S100Z: variants seen among roughly 807,000 people sequenced by gnomAD.
The protein encoded by S100Z is S100 calcium binding protein Z.
Under a neutral mutation model 8.5 loss-of-function variants are expected in S100Z, and 11 were observed. That is an observed-to-expected ratio of 1.30 (90% CI 0.82 to 2.15). S100Z has a LOEUF of 2.15. Among genes scored for constraint, S100Z ranks in the 30% most tolerant of loss-of-function variants. The probability of loss-of-function intolerance (pLI) is 0.00; values close to 1 mark genes in which losing one functional copy is unlikely to be tolerated. For missense variants in S100Z, 126 were observed against 117.9 expected, an observed-to-expected ratio of 1.07 and a Z score of -0.32; for synonymous variants, 34 against 43.8, an observed-to-expected ratio of 0.78 and a Z score of 0.89.
chr5:76,925,088 A>G (rs550251987), downstream of S100Z, among the ~76,000 whole-genome samples: 6 of 152,208 alleles, frequency 3.9e-5, no homozygotes, highest in South Asian at 1.2e-3. Flanking sequence ...AGAATGCTTC[A>G]GTTTCTTGCC....
At chr5:76,880,454 G>A (rs1326207382) in intron 4 of S100Z, among the ~76,000 whole-genome samples, 1 of 152,178 alleles carries the variant, frequency 6.6e-6, no homozygotes, top group Admixed American at 6.5e-5. Context: ...GCTGCTTCGA[G>A]CAGGATTAGG....
At chr5:76,886,956 T>C (rs1209806288) in intron 4 of S100Z, among the ~76,000 whole-genome samples, 4 of 152,168 alleles carry the variant, frequency 2.6e-5, no homozygotes, top group Non-Finnish European at 4.4e-5. Flanking sequence ...CTTCAGGCCA[T>C]CTGGATGTAT....
chr5:76,863,690 C>T (rs1048450039), intron 1 of S100Z, among the ~76,000 whole-genome samples: 9 of 151,914 alleles, frequency 5.9e-5, no homozygotes, highest in African/African-American at 1.5e-4. Context: ...AGGCACCCGC[C>T]ACCACACCCA....
At chr5:76,868,935 T>C (rs1742896986) in intron 1 of S100Z, among the ~76,000 whole-genome samples, 1 of 152,204 alleles carries the variant, frequency 6.6e-6, no homozygotes. Flanking sequence ...AAACTCTTTA[T>C]ATTCATTGAC....
chr5:76,854,906 T>C (rs1225184813), intron 1 of S100Z, among the ~76,000 whole-genome samples: 1 of 152,240 alleles, frequency 6.6e-6, no homozygotes, highest in Non-Finnish European at 1.5e-5. Context: ...TCACCTACCC[T>C]GTGTAAGCAG....
chr5:76,879,166 G>C (rs768707522), intron 4 of S100Z, among the ~76,000 whole-genome samples: 1 of 152,158 alleles, frequency 6.6e-6, no homozygotes, highest in African/African-American at 2.4e-5. Context: ...CTTCCACCTT[G>C]TTGAGTCTTT....
chr5:76,910,581 G>A (rs906296628), intron 4 of S100Z, among the ~76,000 whole-genome samples: 9 of 152,128 alleles, frequency 5.9e-5, no homozygotes, highest in African/African-American at 1.9e-4. Flanking sequence ...CTGCCCCCTC[G>A]TTCATGTCCA....
At chr5:76,883,717 C>T (rs376308336) in intron 4 of S100Z, among the ~76,000 whole-genome samples, 5 of 152,228 alleles carry the variant, frequency 3.3e-5, no homozygotes, top group East Asian at 3.9e-4. Flanking sequence ...CCAGGGGCTC[C>T]GGGAGTGGCT....
At chr5:76,951,959 C>G in the S100Z span, among the ~76,000 whole-genome samples, 2 of 152,086 alleles carry the variant, frequency 1.3e-5, no homozygotes, top group African/African-American at 4.8e-5. Context: ...GAAAATATAG[C>G]CATTCCTTCC....
chr5:76,857,544 G>C (rs1167663802), intron 1 of S100Z, among the ~76,000 whole-genome samples: 1 of 141,424 alleles, frequency 7.1e-6, no homozygotes, highest in African/African-American at 2.7e-5. Context: ...CCGCCACCCA[G>C]ACTGGGGTGC....
the S100Z span, among the ~76,000 whole-genome samples, chr5:76,946,025 G>A: frequency 0.05 from 7,671 of 152,190 alleles, 237 homozygotes; most frequent in African/African-American, 0.081. Flanking sequence ...TCCATCTGCA[G>A]GCATCTCGCT....
chr5:76,942,445 C>CAAAAAAAAAAAAAAAAA, the S100Z span, among the ~76,000 whole-genome samples: 4 of 72,816 alleles, frequency 5.5e-5, no homozygotes, highest in Admixed American at 1.5e-4. Context: ...AAAAAAAAAG[C>CAAAAAAAAAAAAAAAAA]AAAAACCTCT....
intron 1 of S100Z, among the ~76,000 whole-genome samples, chr5:76,854,975 T>C (rs1214611107): frequency 6.6e-6 from 1 of 152,226 alleles, no homozygotes; most frequent in East Asian, 1.9e-4. Flanking sequence ...GTTCCAGCCA[T>C]GGCTCAAAGT....
intron 4 of S100Z, among the ~76,000 whole-genome samples, chr5:76,914,661 C>T (rs553253025): frequency 6.6e-6 from 1 of 152,212 alleles, no homozygotes; most frequent in South Asian, 2.1e-4. Flanking sequence ...CATGGACCCA[C>T]CAGGAGGAAA....
Position 76,894,842 on chromosome 5 carries a change from G to C in S100Z, c.*2+17008G>C, listed in dbSNP as rs540877224. Among the ~76,000 whole-genome samples the C allele has an allele frequency of 4.6e-5, 7 of 152,090 alleles. No homozygotes were observed. The South Asian group carries it at 1.5e-3, about 32-fold the overall frequency. ...GACCTCAGGTGATCCACCCGCCTCGGCCTCCCAAAGTCCTGGGATTACAGG... is the reference window on the plus strand; with the variant it reads ...GACCTCAGGTGATCCACCCGCCTCGCCCTCCCAAAGTCCTGGGATTACAGG... On this transcript the variant is annotated intron_variant, in intron 4 of 4. Coordinates refer to ENST00000317593, the MANE Select transcript of S100Z (RefSeq NM_130772.4).
intron 1 of S100Z, among the ~76,000 whole-genome samples, chr5:76,854,652 AGT>A (rs1411967690): frequency 6.6e-6 from 1 of 152,226 alleles, no homozygotes; most frequent in Non-Finnish European, 1.5e-5. Flanking sequence ...AGGGACACAG[AGT>A]GTAAAAGTTT....
At position 76,877,705 on chromosome 5, in the gene S100Z, T is replaced by C. The variant is rs763617689; in HGVS notation, c.173T>C (p.Ile58Thr). 14 of 1,611,814 alleles carry C rather than the reference T, an allele frequency of 8.7e-6. No individual in the cohort carries two copies. In the African/African-American group the frequency reaches 1.7e-4, roughly 20 times the overall value. Residue 58 changes from isoleucine (I) to threonine (T), a missense_variant, in exon 4 of 5, where the codon ATA becomes ACA. By Grantham distance (89) the Ile-to-Thr change is moderately conservative (BLOSUM62 -1). Coordinates refer to ENST00000317593, the MANE Select transcript of S100Z (RefSeq NM_130772.4). Reference protein sequence around the residue: ...CQKETQLVDKIVQDLDANKDN... With the variant: ...CQKETQLVDKTVQDLDANKDN... ...AAGGAAACCCAGTTGGTTGATAAGA[T>C]AGTGCAGGACCTGGATGCCAATAAG...
intron 4 of S100Z, among the ~76,000 whole-genome samples, chr5:76,914,788 C>T (rs185918392): frequency 8.8e-4 from 134 of 152,118 alleles, no homozygotes; most frequent in Non-Finnish European, 1.3e-3. Flanking sequence ...CAACTCCTGA[C>T]GCACCACCTT....
chr5:76,886,299 T>C (rs951790876), intron 4 of S100Z, among the ~76,000 whole-genome samples: 2 of 152,134 alleles, frequency 1.3e-5, no homozygotes, highest in Admixed American at 6.5e-5. Context: ...ACGGATAAAA[T>C]GTGTCTCCTT....
Sources: gnomAD v4.1 joint callset for allele counts (sites outside exome capture counted in the v4.1 genomes callset) on GRCh38, gnomAD v4.1.1 for gene constraint, MANE v1.5 for transcripts, NCBI Gene and HGNC (gene_info 2026-07-23, HGNC 2026-07-21) for gene names.